The following KLRD1 variants were observed in gnomAD, a reference collection of about 807,000 sequenced individuals.
KLRD1 encodes killer cell lectin like receptor D1, also known as natural killer cells antigen CD94.
In KLRD1, 21 loss-of-function variants were observed where a neutral mutation model predicts 22.6. The ratio of observed to expected loss-of-function variants is 0.93; its 90% confidence interval spans 0.66 to 1.34. KLRD1 has a LOEUF of 1.34. Ranked by LOEUF, KLRD1 falls within the 40% of genes most tolerant of loss-of-function variation. KLRD1 has a pLI of 0.00. For missense variants in KLRD1, 183 were observed against 208.6 expected (o/e 0.88, Z 0.76); for synonymous variants, 59 against 71.1 (o/e 0.83, Z 0.85).
chr12:10,310,664 A>T (rs1377910241), intron 3 of KLRD1, among the ~76,000 whole-genome samples: 10 of 152,204 alleles, frequency 6.6e-5, no homozygotes, highest in Non-Finnish European at 1.3e-4. Context: ...ACGCACCTGT[A>T]GTATCAGTTA....
chr12:10,312,445 C>G (rs1950102944), intron 4 of KLRD1, among the ~76,000 whole-genome samples: 1 of 151,044 alleles, frequency 6.6e-6, no homozygotes, highest in East Asian at 2.0e-4. Context: ...GTGGCGTGAT[C>G]TTGGCTCACT....
chr12:10,287,130 T>C (rs768089577), intron 1 of KLRD1, among the ~76,000 whole-genome samples: 1 of 151,470 alleles, frequency 6.6e-6, no homozygotes, highest in African/African-American at 2.4e-5. Flanking sequence ...AGTGAGACTC[T>C]GTCTCAAAAC....
chr12:10,260,150 CTAAATGCTCATATCATTCCCATCTGAT>C (rs1164891379), intron 1 of KLRD1, among the ~76,000 whole-genome samples: 1 of 28,478 alleles, frequency 3.5e-5, no homozygotes, highest in Non-Finnish European at 3.2e-4. Flanking sequence ...ATCTGTATAA[CTAAATGCTCATATCATTCCCATCTGAT>C]GAGATGATTG....
intron 1 of KLRD1, among the ~76,000 whole-genome samples, chr12:10,298,592 G>A (rs1949841445): frequency 6.6e-6 from 1 of 152,258 alleles, no homozygotes; most frequent in Admixed American, 6.5e-5. Flanking sequence ...ATGCTGGAAG[G>A]TTGTTGGTTT....
intron 3 of KLRD1, among the ~76,000 whole-genome samples, 154 bp from the exon 4 acceptor site, chr12:10,311,310 A>AT (rs1386302569): frequency 2.0e-5 from 3 of 152,224 alleles, no homozygotes; most frequent in Admixed American, 2.0e-4. Context: ...TTCATGTCTA[A>AT]TTAGTTCACA....
intron 4 of KLRD1, among the ~76,000 whole-genome samples, chr12:10,312,301 C>A (rs1265133261): frequency 9.9e-5 from 15 of 152,040 alleles, no homozygotes; most frequent in Non-Finnish European, 2.2e-4. Context: ...ATCTACCCTC[C>A]TTGGCCTCCC....
upstream of KLRD1, among the ~76,000 whole-genome samples, chr12:10,304,763 T>C (rs1029289991): frequency 6.6e-6 from 1 of 152,222 alleles, no homozygotes; most frequent in African/African-American, 2.4e-5. Flanking sequence ...TAATACATCC[T>C]GCTAAAATCA....
chr12:10,250,833 G>GGGTCTTGGGTCTGT (rs1244308130), intron 1 of KLRD1, among the ~76,000 whole-genome samples: 1 of 152,060 alleles, frequency 6.6e-6, no homozygotes, highest in African/African-American at 2.4e-5. Context: ...GTAATATAAA[G>GGGTCTTGGGTCTGT]GGTCTTGGGT....
upstream of KLRD1, among the ~76,000 whole-genome samples, chr12:10,302,895 G>A (rs1487076409): frequency 6.6e-6 from 1 of 152,130 alleles, no homozygotes; most frequent in Non-Finnish European, 1.5e-5. Context: ...CTACACTTTA[G>A]CAGAGCTCAG....
At chr12:10,310,101 C>A (rs748649602) in intron 3 of KLRD1, among the ~76,000 whole-genome samples, 2 of 152,162 alleles carry the variant, frequency 1.3e-5, no homozygotes, top group Non-Finnish European at 2.9e-5. Flanking sequence ...CCAGTGAAAG[C>A]CAGCTCAAAG....
intron 1 of KLRD1, among the ~76,000 whole-genome samples, chr12:10,291,631 T>A (rs907804462): frequency 8.5e-6 from 1 of 117,976 alleles, no homozygotes; most frequent in Non-Finnish European, 1.8e-5. Flanking sequence ...TTTTTTTTTT[T>A]AATCCTATAC....
intron 1 of KLRD1, among the ~76,000 whole-genome samples, chr12:10,247,257 A>G (rs1341032512): frequency 1.3e-5 from 2 of 152,072 alleles, no homozygotes; most frequent in Non-Finnish European, 2.9e-5. Context: ...TGCATTTGTA[A>G]TTTGTTTAAC....
chr12:10,259,666 A>C (rs1949430200), intron 1 of KLRD1, among the ~76,000 whole-genome samples: 1 of 152,134 alleles, frequency 6.6e-6, no homozygotes, highest in Non-Finnish European at 1.5e-5. Flanking sequence ...CATTTTCTTA[A>C]ACCCAAAGAA....
chr12:10,251,366 C>T (rs1949344840), intron 1 of KLRD1, among the ~76,000 whole-genome samples: 1 of 152,040 alleles, frequency 6.6e-6, no homozygotes, highest in Non-Finnish European at 1.5e-5. Flanking sequence ...CTCAGGTAAT[C>T]CTCCGGTCTT....
intron 1 of KLRD1, among the ~76,000 whole-genome samples, chr12:10,245,785 C>T (rs1949284980): frequency 6.6e-6 from 1 of 152,102 alleles, no homozygotes; most frequent in Admixed American, 6.5e-5. Flanking sequence ...ATTATAGTTT[C>T]TCTCTTTTCA....
chr12:10,310,701 C>T (rs1351019347), intron 3 of KLRD1, among the ~76,000 whole-genome samples: 1 of 152,164 alleles, frequency 6.6e-6, no homozygotes, highest in Non-Finnish European at 1.5e-5. Flanking sequence ...ATGAGAATCA[C>T]TTGAACCTGG....
intron 3 of KLRD1, 129 bp from the exon 4 acceptor site, chr12:10,311,335 A>T: frequency 1.4e-6 from 1 of 706,484 alleles, no homozygotes; most frequent in South Asian, 2.5e-5. Context: ...TAGCCCCTGA[A>T]GTGTGGTGTA....
chr12:10,247,682 G>A (rs1457824756), intron 1 of KLRD1, among the ~76,000 whole-genome samples: 1 of 152,104 alleles, frequency 6.6e-6, no homozygotes, highest in Non-Finnish European at 1.5e-5. Flanking sequence ...GTCATGGGAG[G>A]GACCAAGTGG....
At chr12:10,260,736 C>T (rs2045878) in intron 1 of KLRD1, among the ~76,000 whole-genome samples, 121,721 of 151,898 alleles carry the variant, frequency 0.8, 53,356 homozygotes, top group Non-Finnish European at 0.98. Context: ...GTCAGGAGAT[C>T]GAGACCTTCC....
Sources: allele counts gnomAD v4.1 joint callset (sites outside exome capture counted in the v4.1 genomes callset), GRCh38; gene constraint gnomAD v4.1.1; transcripts MANE v1.5; gene names NCBI Gene and HGNC (gene_info 2026-07-23, HGNC 2026-07-21).